Variants in ARHGAP10 observed in about 807,000 individuals in gnomAD.
ARHGAP10 encodes Rho GTPase activating protein 10.
ARHGAP10 carries 87 observed loss-of-function variants against 108.6 expected under a neutral mutation model. The observed-to-expected ratio is 0.80, with a 90% CI of 0.67 to 0.96. ARHGAP10 has a LOEUF of 0.96. ARHGAP10 is among the 40% of genes least tolerant of loss of function. The pLI, the probability that ARHGAP10 is intolerant of heterozygous loss-of-function variation, is 0.00. For synonymous variants in ARHGAP10, 347 were observed against 341.1 expected (o/e 1.02, Z -0.19); for missense variants, 939 against 954.5 (o/e 0.98, Z 0.21).
intron 1 of ARHGAP10, among the ~76,000 whole-genome samples, chr4:147,763,851 C>G (rs1399888751): frequency 6.8e-6 from 1 of 147,592 alleles, no homozygotes; most frequent in Non-Finnish European, 1.5e-5. Flanking sequence ...ACTTTCTGGG[C>G]TCAGGTGATT....
rs191383830 is a variant in ARHGAP10, at chr4:148,071,675, C to G, written c.2273-318C>G. Among the ~76,000 whole-genome samples, 254 of 152,108 alleles carry G rather than the reference C, an allele frequency of 1.7e-3. 1 individual carries two copies. Among genetic ancestry groups the G allele is most frequent in the African/African-American group, 5.6e-3 (233 of 41,528 alleles). On this transcript the variant is annotated intron_variant, in intron 22 of 22. Transcript: ENST00000336498. Reference sequence around the variant, plus strand: ...CAAAAAGCTTGAGTTTGACTTTAAGCAGGGGAGTGATGTGATCAGCTCTGT... The same window carrying G: ...CAAAAAGCTTGAGTTTGACTTTAAGGAGGGGAGTGATGTGATCAGCTCTGT...
At position 147,833,742 on chromosome 4, in the gene ARHGAP10, T is replaced by A. The variant is rs74608924; in HGVS notation, c.312+10785T>A. On this transcript the variant is annotated intron_variant, in intron 3 of 22. Transcript: ENST00000336498. ...CTATTATTTCAAGATTAGCAGGATT[T>A]TTTTGTGGTAGGATATAAAATAATG... Among the ~76,000 whole-genome samples, 748 of 152,322 alleles carry A rather than the reference T, an allele frequency of 4.9e-3. 8 individuals are homozygous for A. Among genetic ancestry groups the A allele is most frequent in the South Asian group, 0.047 (226 of 4,822 alleles).
intron 8 of ARHGAP10, among the ~76,000 whole-genome samples, chr4:147,878,226 G>C (rs756073358): frequency 1.3e-5 from 2 of 152,252 alleles, no homozygotes; most frequent in Non-Finnish European, 1.5e-5. Flanking sequence ...CTCCCGAGTA[G>C]CTGGGACTAC....
At chr4:147,933,348 C>A (rs1245805222) in intron 13 of ARHGAP10, among the ~76,000 whole-genome samples, 1 of 152,226 alleles carries the variant, frequency 6.6e-6, no homozygotes, top group East Asian at 1.9e-4. Context: ...TCTCCCTCAG[C>A]CTCCCAAGTA....
intron 3 of ARHGAP10, among the ~76,000 whole-genome samples, chr4:147,831,274 C>A (rs186894763): frequency 2.0e-5 from 3 of 152,332 alleles, no homozygotes; most frequent in East Asian, 3.9e-4. Flanking sequence ...AAAGCCTAAG[C>A]TTTGACTTCT....
intron 18 of ARHGAP10, among the ~76,000 whole-genome samples, chr4:147,985,097 C>A (rs1227198048): frequency 6.6e-6 from 1 of 152,160 alleles, no homozygotes; most frequent in East Asian, 1.9e-4. Context: ...GAGAGTGGGT[C>A]CTCCAGGTGC....
At chr4:147,897,538 A>G (rs902967829) in intron 10 of ARHGAP10, among the ~76,000 whole-genome samples, 7 of 151,954 alleles carry the variant, frequency 4.6e-5, no homozygotes, top group Non-Finnish European at 7.4e-5. Context: ...CTTTTAATGT[A>G]TTTTTTAGAT....
intron 7 of ARHGAP10, among the ~76,000 whole-genome samples, chr4:147,873,279 G>A (rs1228731674): frequency 6.6e-6 from 1 of 152,122 alleles, no homozygotes; most frequent in Non-Finnish European, 1.5e-5. Flanking sequence ...AAGCCAGTTC[G>A]AAGGGACCTC....
At chr4:147,982,645 C>T (rs956037009) in intron 18 of ARHGAP10, among the ~76,000 whole-genome samples, 1 of 147,572 alleles carries the variant, frequency 6.8e-6, no homozygotes, top group East Asian at 2.0e-4. Context: ...AAGCAGTCCT[C>T]CTGCCTTGGT....
chr4:147,801,932 C>T (rs1181088290), intron 1 of ARHGAP10, among the ~76,000 whole-genome samples: 23 of 152,186 alleles, frequency 1.5e-4, no homozygotes, highest in Non-Finnish European at 1.5e-5. Flanking sequence ...CGGAGTTGAA[C>T]TCATCCCAAA....
chr4:147,902,878 A>G (rs973930603), intron 10 of ARHGAP10, among the ~76,000 whole-genome samples: 2 of 149,122 alleles, frequency 1.3e-5, no homozygotes, highest in Non-Finnish European at 3.0e-5. Flanking sequence ...AGTATGTCTT[A>G]CATGGCCAGA....
intron 5 of ARHGAP10, among the ~76,000 whole-genome samples, chr4:147,860,435 A>AAAAACAAAACAAAACAAAAC (rs112437404): frequency 4.6e-5 from 7 of 151,912 alleles, no homozygotes; most frequent in African/African-American, 1.5e-4. Flanking sequence ...GCTCCGTCTC[A>AAAAACAAAACAAAACAAAAC]AAAACAAAAC....
chr4:148,041,990 A>G (rs530581514), intron 19 of ARHGAP10, among the ~76,000 whole-genome samples: 2 of 152,294 alleles, frequency 1.3e-5, no homozygotes, highest in South Asian at 4.1e-4. Context: ...CGTGACTTTC[A>G]GATCAATAAA....
chr4:147,734,361 A>C (rs1163496419), intron 1 of ARHGAP10, among the ~76,000 whole-genome samples: 1 of 152,182 alleles, frequency 6.6e-6, no homozygotes, highest in African/African-American at 2.4e-5. Context: ...ACTTTCTTGA[A>C]TTTGTGAATT....
At chr4:147,761,151 G>A (rs1729572433) in intron 1 of ARHGAP10, among the ~76,000 whole-genome samples, 1 of 151,646 alleles carries the variant, frequency 6.6e-6, no homozygotes, top group Admixed American at 6.6e-5. Flanking sequence ...CGAGTAGTTG[G>A]GATTACAGGC....
chr4:147,909,450 C>T (rs1214477769), intron 11 of ARHGAP10, among the ~76,000 whole-genome samples: 1 of 152,182 alleles, frequency 6.6e-6, no homozygotes, highest in African/African-American at 2.4e-5. Flanking sequence ...GATGGCCTAT[C>T]CAGGGGCTCT....
intron 18 of ARHGAP10, among the ~76,000 whole-genome samples, chr4:148,006,039 A>G (rs979219136): frequency 4.6e-5 from 7 of 152,064 alleles, no homozygotes; most frequent in African/African-American, 1.4e-4. Context: ...CCTGAGTAGA[A>G]CTCGAGACTG....
intron 1 of ARHGAP10, among the ~76,000 whole-genome samples, chr4:147,758,991 A>T (rs111690062): frequency 6.6e-6 from 1 of 150,976 alleles, no homozygotes; most frequent in African/African-American, 2.4e-5. Context: ...AAAAAAAAAA[A>T]CCGAAAACAG....
chr4:147,794,690 T>C (rs768853929), intron 1 of ARHGAP10, among the ~76,000 whole-genome samples: 1 of 152,252 alleles, frequency 6.6e-6, no homozygotes, highest in African/African-American at 2.4e-5. Flanking sequence ...GGATTGTTCA[T>C]TCCCATTGCC....
Sources: allele counts gnomAD v4.1 joint callset (sites outside exome capture counted in the v4.1 genomes callset), GRCh38; gene constraint gnomAD v4.1.1; transcripts MANE v1.5; gene names NCBI Gene and HGNC (gene_info 2026-07-23, HGNC 2026-07-21).